The following WDR48 variants were observed in gnomAD, a reference collection of about 807,000 sequenced individuals.
WDR48 encodes the protein WD repeat domain 48.
Under a neutral mutation model 94.0 loss-of-function variants are expected in WDR48, and 22 were observed. The observed-to-expected ratio is 0.23, with a 90% CI of 0.17 to 0.33. The LOEUF (loss-of-function observed/expected upper bound fraction) is 0.33, where lower values mean the gene tolerates loss of function less well. WDR48 is among the 10% of genes least tolerant of loss of function. The pLI is 1.00. For synonymous variants in WDR48, 278 were observed against 280.5 expected (o/e 0.99, Z 0.09); for missense variants, 541 against 813.8 (o/e 0.66, Z 4.08).
At position 39,075,064 on chromosome 3, in the gene WDR48, G is replaced by A. The variant is rs1006909643; in HGVS notation, c.897+114G>A. ...CAACTGCAGGGTTCGGAGGGGGAAG[G>A]TTTGTAAAAAAGATATTCCATCATG... On this transcript the variant is annotated intron_variant, in intron 8 of 18. Transcript: ENST00000302313. 7.6e-6 allele frequency: 8 copies of A among 1,053,438 alleles called. 1 individual carries two copies. Among genetic ancestry groups the A allele is most frequent in the South Asian group, 3.3e-5 (2 of 60,064 alleles). The allele number at this position is 1,053,438 out of a possible 1,614,324, so 65.3% of individuals were successfully genotyped here. A position where few individuals can be genotyped will look rare whatever the true frequency, so the allele number is the denominator to read the frequency against.
At chr3:39,090,762 AT>A (rs2035038226) in intron 16 of WDR48, 1 of 152,194 alleles carries the variant, frequency 6.6e-6, no homozygotes, top group African/African-American at 2.4e-5. Flanking sequence ...TCTATTTTGT[AT>A]CTTTCTAAAG....
intron 1 of WDR48, among the ~76,000 whole-genome samples, chr3:39,052,859 CG>C (rs1358594165): frequency 6.6e-6 from 1 of 151,842 alleles, no homozygotes; most frequent in East Asian, 1.9e-4. Context: ...CATCACACAC[CG>C]GGGCCTGTCG....
intron 1 of WDR48, among the ~76,000 whole-genome samples, chr3:39,054,447 G>A (rs1000920394): frequency 1.3e-5 from 2 of 152,138 alleles, no homozygotes; most frequent in African/African-American, 2.4e-5. Context: ...GTCCCCTCAA[G>A]GGCAAAATTG....
At chr3:39,060,200 A>C (rs191769477) in intron 1 of WDR48, among the ~76,000 whole-genome samples, 2 of 152,100 alleles carry the variant, frequency 1.3e-5, no homozygotes, top group Non-Finnish European at 2.9e-5. Flanking sequence ...TAATTACTCT[A>C]TGTTCATTAG....
At chr3:39,063,807 G>C (rs1379921407) in intron 2 of WDR48, among the ~76,000 whole-genome samples, 1 of 152,066 alleles carries the variant, frequency 6.6e-6, no homozygotes, top group Non-Finnish European at 1.5e-5. Context: ...AATTAGCTGG[G>C]CATGGTGGCA....
intron 15 of WDR48, among the ~76,000 whole-genome samples, chr3:39,088,515 C>T (rs1479102692): frequency 1.3e-5 from 2 of 152,218 alleles, no homozygotes; most frequent in Non-Finnish European, 2.9e-5. Context: ...CTTTCCTTCA[C>T]TTTGCCCGTG....
intron 1 of WDR48, among the ~76,000 whole-genome samples, chr3:39,054,646 G>C (rs1414335612): frequency 6.6e-6 from 1 of 152,202 alleles, no homozygotes; most frequent in East Asian, 1.9e-4. Context: ...GCATATGCAT[G>C]TATCTGTCCC....
intron 7 of WDR48, among the ~76,000 whole-genome samples, chr3:39,071,020 T>G (rs1426658107): frequency 2.0e-5 from 3 of 152,212 alleles, no homozygotes. Context: ...ACTCATCATT[T>G]TTTATGGCTG....
chr3:39,094,410 A>G (rs575694262), intron 18 of WDR48: 1 of 1,512,904 alleles, frequency 6.6e-7, no homozygotes, highest in South Asian at 1.2e-5. Flanking sequence ...CTCAAAACGT[A>G]TCCTCAGAGG....
At chr3:39,074,574 T>C (rs2034114357) in intron 7 of WDR48, 152 bp from the exon 8 acceptor site, 1 of 736,452 alleles carries the variant, frequency 1.4e-6, no homozygotes. Flanking sequence ...CTTTAGCCTG[T>C]GGTGCATGGT....
At chr3:39,070,687 CTTTT>C (rs34204168) in intron 7 of WDR48, among the ~76,000 whole-genome samples, 4 of 133,302 alleles carry the variant, frequency 3.0e-5, no homozygotes, top group Non-Finnish European at 1.6e-5. Flanking sequence ...TGTGAAGGAT[CTTTT>C]TTTTTTTTTT....
At position 39,089,214 on chromosome 3, in the gene WDR48, T is replaced by C; in HGVS notation, c.1581-17T>C. ...TGTGCTTGTTGGGTTACTTACTACT[T>C]GATGGTTTATGTTTAGGCTGCTCTG... On this transcript the variant is annotated splice_polypyrimidine_tract_variant and intron_variant, in intron 15 of 18. Coordinates refer to ENST00000302313, the MANE Select transcript of WDR48 (RefSeq NM_020839.4). 1 of 1,608,906 alleles carries C rather than the reference T, an allele frequency of 6.2e-7. No homozygotes were observed. The highest frequency in any genetic ancestry group is 8.5e-7 in the Non-Finnish European group (1 of 1,177,484).
intron 2 of WDR48, among the ~76,000 whole-genome samples, chr3:39,064,196 G>T (rs765813968): frequency 5.3e-5 from 8 of 151,878 alleles, no homozygotes; most frequent in Non-Finnish European, 1.0e-4. Context: ...TGTGCCATAC[G>T]CTCTTTGCAT....
chr3:39,067,171 C>T (rs1355135125), intron 5 of WDR48, among the ~76,000 whole-genome samples: 1 of 152,216 alleles, frequency 6.6e-6, no homozygotes, highest in Non-Finnish European at 1.5e-5. Context: ...GACTGTCTTA[C>T]TACTTCGTAT....
At chr3:39,058,615 A>G (rs1169848345) in intron 1 of WDR48, among the ~76,000 whole-genome samples, 1 of 152,174 alleles carries the variant, frequency 6.6e-6, no homozygotes, top group Non-Finnish European at 1.5e-5. Context: ...TGAAGTTGAC[A>G]TTGAAGCTAG....
chr3:39,052,595 C>G (rs1559590131), intron 1 of WDR48: 1 of 155,608 alleles, frequency 6.4e-6, no homozygotes, highest in African/African-American at 2.4e-5. Context: ...TGGGAGCTGT[C>G]CCCTGGGTAG....
intron 7 of WDR48, among the ~76,000 whole-genome samples, chr3:39,073,672 G>T (rs1374216572): frequency 6.6e-6 from 1 of 152,140 alleles, no homozygotes; most frequent in Non-Finnish European, 1.5e-5. Flanking sequence ...TTCCACCTGA[G>T]CACACTCACA....
At position 39,094,817 on chromosome 3, in the gene WDR48, A is replaced by C. The variant is rs187845398; in HGVS notation, c.*74A>C. On this transcript the variant is annotated 3_prime_UTR_variant, in exon 19 of 19. Transcript: ENST00000302313. ...CCCCAAGAGTAGTCCTAGGAAGCCC[A>C]CTGATCCCCAACGGGAGCAAGACTT... The C allele has an allele frequency of 1.3e-5, 20 of 1,564,412 alleles. No homozygotes were observed. The highest frequency in any genetic ancestry group is 1.6e-5 in the Non-Finnish European group (19 of 1,154,192).
chr3:39,063,710 A>G (rs746664501), intron 2 of WDR48, among the ~76,000 whole-genome samples: 2 of 152,168 alleles, frequency 1.3e-5, no homozygotes, highest in Non-Finnish European at 2.9e-5. Flanking sequence ...TCGGAGGCCA[A>G]AGTGAAAGGA....
Sources: allele counts gnomAD v4.1 joint callset (sites outside exome capture counted in the v4.1 genomes callset), GRCh38; gene constraint gnomAD v4.1.1; transcripts MANE v1.5; gene names NCBI Gene and HGNC (gene_info 2026-07-23, HGNC 2026-07-21).